SORCS3: variants seen among roughly 807,000 people sequenced by gnomAD.
SORCS3 encodes the protein sortilin related VPS10 domain containing receptor 3.
SORCS3 carries 57 observed loss-of-function variants against 146.3 expected under a neutral mutation model. The ratio of observed to expected loss-of-function variants is 0.39; its 90% CI spans 0.31 to 0.49. SORCS3 has a LOEUF of 0.49. Ranked by LOEUF, SORCS3 falls within the 20% of genes least tolerant of loss-of-function variation. The probability of loss-of-function intolerance (pLI) is 0.92; values close to 1 mark genes in which losing one functional copy is unlikely to be tolerated. For synonymous variants in SORCS3, 653 were observed against 618.5 expected, an observed-to-expected ratio of 1.06 and a Z score of -0.83; for missense variants, 1,341 against 1,575.5, an observed-to-expected ratio of 0.85 and a Z score of 2.52.
chr10:105,114,536 G>T (rs1281927441), intron 7 of SORCS3, among the ~76,000 whole-genome samples: 1 of 152,094 alleles, frequency 6.6e-6, no homozygotes, highest in African/African-American at 2.4e-5. Context: ...TGGTTTTTAG[G>T]AACTGAGCAC....
At chr10:104,694,313 G>A (rs1479081668) in intron 1 of SORCS3, among the ~76,000 whole-genome samples, 1 of 151,580 alleles carries the variant, frequency 6.6e-6, no homozygotes, top group Non-Finnish European at 1.5e-5. Context: ...CAGGGTATTA[G>A]GGAAGGAGCT....
At chr10:104,651,365 T>C (rs2015556095) in intron 1 of SORCS3, among the ~76,000 whole-genome samples, 1 of 152,084 alleles carries the variant, frequency 6.6e-6, no homozygotes, top group Admixed American at 6.6e-5. Context: ...AGGATTGTTG[T>C]GAATCTTAGA....
intron 7 of SORCS3, among the ~76,000 whole-genome samples, chr10:105,124,720 G>C (rs1248530395): frequency 6.6e-6 from 1 of 151,988 alleles, no homozygotes; most frequent in Admixed American, 6.6e-5. Context: ...TGTTTGATGG[G>C]AACATGAAAT....
At chr10:105,187,991 G>C (rs927832031) in intron 14 of SORCS3, among the ~76,000 whole-genome samples, 10 of 152,048 alleles carry the variant, frequency 6.6e-5, no homozygotes, top group African/African-American at 1.9e-4. Context: ...GGTGGTGGTG[G>C]TGCTGCTGCT....
In SORCS3 at chr10:105,079,829, A is replaced by G. The variant is rs557136313; in HGVS notation, c.1029-9946A>G. On this transcript the variant is annotated intron_variant, in intron 5 of 26. Transcript: ENST00000369701. Reference sequence around the variant, plus strand: ...GTGGCATTTGTTTTTCTGTTGTTGCATTAGTTTGCTAAGAAGAATTACCTC... The same window carrying G: ...GTGGCATTTGTTTTTCTGTTGTTGCGTTAGTTTGCTAAGAAGAATTACCTC... Among the ~76,000 whole-genome samples the G allele has an allele frequency of 4.6e-5, 7 of 152,218 alleles. No homozygotes were observed. The South Asian group carries it at 1.0e-3, about 23-fold the overall frequency.
At chr10:105,162,466 A>G (rs983354594) in intron 11 of SORCS3, among the ~76,000 whole-genome samples, 1 of 151,956 alleles carries the variant, frequency 6.6e-6, no homozygotes, top group Non-Finnish European at 1.5e-5. Context: ...TGACACCATA[A>G]CTCCGGCTCT....
At position 105,058,265 on chromosome 10, in the gene SORCS3, T is replaced by G. The variant is rs2055459445; in HGVS notation, c.1028+15137T>G. Among the ~76,000 whole-genome samples the G allele has an allele frequency of 2.6e-5, 4 of 152,280 alleles. No individual in the cohort carries two copies. The South Asian group carries it at 8.3e-4, about 32-fold the overall frequency. The stretch of plus-strand genomic sequence containing the variant: ...CACCACAGTGTGCAATAATTGTCAA[T>G]GAGTGGGCTAAAAGCACTGGGGGAT... On this transcript the variant is annotated intron_variant, in intron 5 of 26. Transcript: ENST00000369701.
intron 4 of SORCS3, among the ~76,000 whole-genome samples, chr10:105,009,490 T>A (rs1241142367): frequency 1.4e-5 from 2 of 143,108 alleles, no homozygotes; most frequent in African/African-American, 5.4e-5. Flanking sequence ...TCAATAGATC[T>A]TCTTCCCTGT....
intron 3 of SORCS3, among the ~76,000 whole-genome samples, chr10:104,937,864 C>G (rs2019275579): frequency 6.6e-6 from 1 of 152,188 alleles, no homozygotes; most frequent in Admixed American, 6.5e-5. Flanking sequence ...TGGCCTCTCT[C>G]CTCTGGCAGT....
At chr10:104,662,486 G>A (rs562914258) in intron 1 of SORCS3, among the ~76,000 whole-genome samples, 1 of 152,328 alleles carries the variant, frequency 6.6e-6, no homozygotes, top group Admixed American at 6.5e-5. Context: ...TGACAGAGCT[G>A]CAAGTCCCAC....
At chr10:105,198,671 G>A (rs966856839) in intron 14 of SORCS3, among the ~76,000 whole-genome samples, 4 of 152,118 alleles carry the variant, frequency 2.6e-5, no homozygotes, top group Non-Finnish European at 4.4e-5. Flanking sequence ...GCTCCACAGT[G>A]TCAGCTGCAT....
At chr10:104,871,839 T>C (rs1340016194) in intron 2 of SORCS3, among the ~76,000 whole-genome samples, 1 of 152,182 alleles carries the variant, frequency 6.6e-6, no homozygotes, top group East Asian at 1.9e-4. Flanking sequence ...GATGGGCAGA[T>C]CCTGGATTGT....
intron 5 of SORCS3, among the ~76,000 whole-genome samples, chr10:105,067,285 G>C (rs1236241313): frequency 6.6e-6 from 1 of 152,212 alleles, no homozygotes; most frequent in African/African-American, 2.4e-5. Context: ...CCAACACTTT[G>C]GGAGGCCAAG....
At chr10:105,007,398 C>T (rs1290226059) in intron 4 of SORCS3, among the ~76,000 whole-genome samples, 1 of 152,080 alleles carries the variant, frequency 6.6e-6, no homozygotes, top group African/African-American at 2.4e-5. Flanking sequence ...TGCACCAAAC[C>T]TTTACATTCA....
At chr10:105,256,950 G>C (rs569584067) in intron 25 of SORCS3, 26 bp downstream of exon 25, 1 of 1,514,804 alleles carries the variant, frequency 6.6e-7, no homozygotes, top group South Asian at 1.1e-5. Flanking sequence ...ACTCAATTTA[G>C]TAGTGGGGTT....
chr10:104,770,147 G>T (rs1410867231), intron 1 of SORCS3, among the ~76,000 whole-genome samples: 2 of 152,182 alleles, frequency 1.3e-5, no homozygotes, highest in East Asian at 3.9e-4. Context: ...GATGGGACCT[G>T]GGAATTTACG....
intron 1 of SORCS3, among the ~76,000 whole-genome samples, chr10:104,681,346 CCTGCAGTGTGGGGG>C (rs1313627865): frequency 6.6e-6 from 1 of 152,116 alleles, no homozygotes; most frequent in East Asian, 1.9e-4. Flanking sequence ...CCCGCCCCTG[CCTGCAGTGTGGGGG>C]CTGCTGAGCG....
At chr10:105,218,604 G>A (rs1474378521) in intron 19 of SORCS3, among the ~76,000 whole-genome samples, 1 of 152,218 alleles carries the variant, frequency 6.6e-6, no homozygotes, top group East Asian at 1.9e-4. Context: ...GATGTGCACG[G>A]TGTTCATGAG....
At position 105,264,025 on chromosome 10, in the gene SORCS3, A is replaced by C; in HGVS notation, c.*651A>C. The C allele has an allele frequency of 6.6e-6, 1 of 152,330 alleles. No individual in the cohort carries two copies. 9.4% of individuals were successfully genotyped at this position (152,330 alleles called of 1,614,324 possible). The stretch of plus-strand genomic sequence containing the variant: ...GCTTACGCACTGGCCCTCAGAGCTG[A>C]CCAACCCGCCAGGCCTGCTCAATGC... On this transcript the variant is annotated 3_prime_UTR_variant, in exon 27 of 27. Transcript: ENST00000369701.
Sources: allele counts gnomAD v4.1 joint callset (sites outside exome capture counted in the v4.1 genomes callset), GRCh38; gene constraint gnomAD v4.1.1; transcripts MANE v1.5; gene names NCBI Gene and HGNC (gene_info 2026-07-23, HGNC 2026-07-21).